TAGLN3: variants seen among roughly 807,000 people sequenced by gnomAD.
The protein encoded by TAGLN3 is transgelin 3.
Under a neutral mutation model 25.4 loss-of-function variants are expected in TAGLN3, and 12 were observed. The ratio of observed to expected loss-of-function variants is 0.47; its 90% CI spans 0.30 to 0.77. TAGLN3 has a LOEUF of 0.77. TAGLN3 is among the 30% of genes least tolerant of loss of function. The pLI, the probability that TAGLN3 is intolerant of heterozygous loss-of-function variation, is 0.06. For synonymous variants in TAGLN3, 96 were observed against 94.8 expected (o/e 1.01, Z -0.08); for missense variants, 218 against 255.8 (o/e 0.85, Z 1.01).
chr3:112,012,382 G>A (rs1242792168), intron 4 of TAGLN3, among the ~76,000 whole-genome samples: 1 of 149,826 alleles, frequency 6.7e-6, no homozygotes, highest in Non-Finnish European at 1.5e-5. Context: ...TAATATCTAT[G>A]TTGTCCCAGT....
At chr3:112,003,447 G>A (rs1201679617) in intron 3 of TAGLN3, among the ~76,000 whole-genome samples, 1 of 152,176 alleles carries the variant, frequency 6.6e-6, no homozygotes, top group Non-Finnish European at 1.5e-5. Context: ...AGAACTGGTT[G>A]TTGCTCATGT....
chr3:112,002,651 C>CG (rs1461988224), intron 3 of TAGLN3, among the ~76,000 whole-genome samples: 1 of 150,702 alleles, frequency 6.6e-6, no homozygotes, highest in Admixed American at 6.6e-5. Context: ...AGTCCCCCCC[C>CG]CACCCCACAA....
chr3:112,005,673 G>A (rs1360728857), intron 3 of TAGLN3, among the ~76,000 whole-genome samples: 1 of 150,426 alleles, frequency 6.6e-6, no homozygotes, highest in Non-Finnish European at 1.5e-5. Flanking sequence ...ACAAGTGTCT[G>A]CTGCTCGAAG....
At chr3:112,008,134 C>A (rs527656279) in intron 3 of TAGLN3, among the ~76,000 whole-genome samples, 2 of 152,236 alleles carry the variant, frequency 1.3e-5, no homozygotes, top group Admixed American at 6.5e-5. Context: ...CCTCAAAATG[C>A]ATATTTTAAA....
At chr3:112,000,126 C>T (rs1488311120) in intron 2 of TAGLN3, among the ~76,000 whole-genome samples, 2 of 152,106 alleles carry the variant, frequency 1.3e-5, no homozygotes, top group Non-Finnish European at 2.9e-5. Context: ...ACCAAATGCT[C>T]GTGTGTGTTT....
At chr3:112,011,651 T>C in intron 3 of TAGLN3, 112 bp from the exon 4 acceptor site, 1 of 957,134 alleles carries the variant, frequency 1.0e-6, no homozygotes. Flanking sequence ...CCCTTGAATC[T>C]GGTCACCTGC....
chr3:112,004,923 A>C (rs1282731), intron 3 of TAGLN3, among the ~76,000 whole-genome samples: 119,143 of 152,050 alleles, frequency 0.78, 48,717 homozygotes, highest in Non-Finnish European at 0.91. Flanking sequence ...ACCTCATCAG[A>C]TATTCTCTAA....
At chr3:112,007,591 T>A (rs2107723511) in intron 3 of TAGLN3, among the ~76,000 whole-genome samples, 1 of 152,346 alleles carries the variant, frequency 6.6e-6, no homozygotes, top group South Asian at 2.1e-4. Context: ...ACTTAGTTGA[T>A]CCTTCTTTGA....
chr3:112,011,716 C>T, intron 3 of TAGLN3, 47 bp from the exon 4 acceptor site: 3 of 1,561,878 alleles, frequency 1.9e-6, no homozygotes, highest in Non-Finnish European at 2.6e-6. Context: ...TCCAGCATTC[C>T]TTGGCTCTGA....
intron 4 of TAGLN3, among the ~76,000 whole-genome samples, chr3:112,012,663 G>A (rs748639702): frequency 5.3e-5 from 8 of 151,198 alleles, no homozygotes; most frequent in Non-Finnish European, 8.8e-5. Context: ...AAGAACACTC[G>A]CCCTGAAAAC....
In TAGLN3 at chr3:111,999,478, A is replaced by T; in HGVS notation, c.56A>T (p.Glu19Val). Residue 19 changes from glutamate (E) to valine (V), a missense_variant, in exon 2 of 5, where the codon GAG becomes GTG. Physicochemically the swap from Glu to Val is moderately radical, Grantham distance 121. Coordinates refer to ENST00000478951, the MANE Select transcript of TAGLN3 (RefSeq NM_001008272.2). ...AGCCGAGAGGTGCAGGAGAAGATCG[A>T]GCAGAAGTATGATGCGGACCTGGAG... ...GLSREVQEKI[E>V]QKYDADLENK... The T allele has an allele frequency of 6.2e-7, 1 of 1,614,204 alleles. No individual in the cohort carries two copies. The highest frequency in any genetic ancestry group is 8.5e-7 in the Non-Finnish European group (1 of 1,180,024).
chr3:112,006,504 G>A (rs1370039051), intron 3 of TAGLN3, among the ~76,000 whole-genome samples: 4 of 152,194 alleles, frequency 2.6e-5, no homozygotes, highest in Non-Finnish European at 5.9e-5. Flanking sequence ...ATAAGACATG[G>A]TTTCATACAC....
At chr3:112,003,302 C>T (rs185714794) in intron 3 of TAGLN3, among the ~76,000 whole-genome samples, 72 of 152,150 alleles carry the variant, frequency 4.7e-4, no homozygotes, top group African/African-American at 1.4e-3. Context: ...GAAGCTTAGG[C>T]CAATGCTGGT....
intron 4 of TAGLN3, among the ~76,000 whole-genome samples, chr3:112,012,237 TCCCTC>T (rs2107725911): frequency 3.5e-5 from 1 of 28,466 alleles, no homozygotes; most frequent in African/African-American, 1.3e-4. Flanking sequence ...CCTCCCTCCC[TCCCTC>T]CCTCCCTCCC....
intron 4 of TAGLN3, among the ~76,000 whole-genome samples, chr3:112,012,198 G>A (rs931304526): frequency 2.0e-5 from 3 of 150,850 alleles, no homozygotes; most frequent in Non-Finnish European, 3.0e-5. Flanking sequence ...CCAGCTCTGA[G>A]CTTTCTTGCC....
chr3:112,007,166 T>A (rs1257717622), intron 3 of TAGLN3, among the ~76,000 whole-genome samples: 1 of 152,044 alleles, frequency 6.6e-6, no homozygotes, highest in Non-Finnish European at 1.5e-5. Context: ...ATGCCCTCTC[T>A]CCCCCACAAA....
At chr3:112,008,811 G>T (rs116376344) in intron 3 of TAGLN3, among the ~76,000 whole-genome samples, 1 of 152,258 alleles carries the variant, frequency 6.6e-6, no homozygotes, top group African/African-American at 2.4e-5. Flanking sequence ...TAGAATTTTG[G>T]CAATCATTAA....
chr3:112,007,471 T>C lies in TAGLN3; in HGVS notation c.356-4292T>C, dbSNP rs929934637. On this transcript the variant is annotated intron_variant, in intron 3 of 4. Coordinates refer to ENST00000478951, the MANE Select transcript of TAGLN3 (RefSeq NM_001008272.2). ...CTCAAGAGTTTTGCCTTTTCTAGTA[T>C]GTCATAAAGTAGGAATCATACAGTA... Among the ~76,000 whole-genome samples the C allele has an allele frequency of 3.9e-5, 6 of 152,238 alleles. No individual in the cohort carries two copies. In the East Asian group the frequency reaches 1.2e-3, roughly 29 times the overall value.
At chr3:112,010,804 G>C (rs2072968126) in intron 3 of TAGLN3, among the ~76,000 whole-genome samples, 1 of 152,186 alleles carries the variant, frequency 6.6e-6, no homozygotes, top group Non-Finnish European at 1.5e-5. Flanking sequence ...TGAAGATCCT[G>C]AGCTGGACTT....
Sources: gnomAD v4.1 joint callset for allele counts (sites outside exome capture counted in the v4.1 genomes callset) on GRCh38, gnomAD v4.1.1 for gene constraint, MANE v1.5 for transcripts, NCBI Gene and HGNC (gene_info 2026-07-23, HGNC 2026-07-21) for gene names.